Variants in COPZ1 observed in about 807,000 individuals in gnomAD.
COPZ1 encodes the protein coatomer subunit zeta-1.
A neutral mutation model predicts 31.7 loss-of-function variants in COPZ1; 4 were observed. The ratio of observed to expected loss-of-function variants is 0.13; its 90% CI spans 0.06 to 0.29. The LOEUF (loss-of-function observed/expected upper bound fraction) is 0.29. Among genes scored for constraint, COPZ1 ranks in the 10% least tolerant of loss-of-function variants. The pLI, the probability that COPZ1 is intolerant of heterozygous loss-of-function variation, is 1.00. For synonymous variants in COPZ1, 74 were observed against 79.0 expected (o/e 0.94, Z 0.33); for missense variants, 156 against 211.5 (o/e 0.74, Z 1.63).
intron 8 of COPZ1, 34 bp downstream of exon 8, chr12:54,349,692 T>C: frequency 6.4e-7 from 1 of 1,565,766 alleles, no homozygotes; most frequent in Non-Finnish European, 8.8e-7. Context: ...CCAGATGGAC[T>C]GGGTCACTAA....
chr12:54,328,687 G>T (rs1267056301), intron 1 of COPZ1, among the ~76,000 whole-genome samples: 4 of 152,184 alleles, frequency 2.6e-5, no homozygotes, highest in African/African-American at 9.7e-5. Flanking sequence ...TTTAATCTAT[G>T]CCTAATAGGC....
In COPZ1 at chr12:54,342,491, TA is replaced by T. The variant is rs1172281145; in HGVS notation, c.169+205del. On this transcript the variant is annotated intron_variant, in intron 3 of 8. Transcript: ENST00000262061. ...AATACCATGCTGGAAGGTTGGCTGTTAGCTACCTGTCTAGTCCCTGGATTTA... is the reference window on the plus strand; with the variant it reads ...AATACCATGCTGGAAGGTTGGCTGTTGCTACCTGTCTAGTCCCTGGATTTA... 29 of 571,816 alleles carry T rather than the reference TA, an allele frequency of 5.1e-5. 1 individual carries two copies. The highest frequency in any genetic ancestry group is 9.4e-4 in the Middle Eastern group (2 of 2,122). The allele number at this position is 571,816 out of a possible 1,614,324, so 35.4% of individuals were successfully genotyped here.
chr12:54,349,857 T>A, intron 8 of COPZ1, 199 bp downstream of exon 8: 1 of 654,118 alleles, frequency 1.5e-6, no homozygotes, highest in East Asian at 2.6e-5. Flanking sequence ...CTCAGTTACC[T>A]GTGAGCAGTG....
At position 54,340,527 on chromosome 12, in the gene COPZ1, G is replaced by A. The variant is rs1342611734; in HGVS notation, c.19-20G>A. ...GTGATGGGAGGCTTCAGGACTGAAGGTATGTTCGTATCTCTTCAGGAACCT... is the reference window on the plus strand; with the variant it reads ...GTGATGGGAGGCTTCAGGACTGAAGATATGTTCGTATCTCTTCAGGAACCT... On this transcript the variant is annotated intron_variant, in intron 1 of 8. Transcript: ENST00000262061. 9 of 1,613,552 alleles carry A rather than the reference G, an allele frequency of 5.6e-6. No individual in the cohort carries two copies. Among genetic ancestry groups the A allele is most frequent in the East Asian group, 4.5e-5 (2 of 44,870 alleles).
At chr12:54,339,398 A>T (rs1307582212) in intron 1 of COPZ1, among the ~76,000 whole-genome samples, 1 of 152,006 alleles carries the variant, frequency 6.6e-6, no homozygotes, top group Non-Finnish European at 1.5e-5. Flanking sequence ...CCCAGCCTGG[A>T]GTGCAGTGGC....
chr12:54,348,289 A>C (rs1954097175), intron 7 of COPZ1, among the ~76,000 whole-genome samples: 2 of 152,254 alleles, frequency 1.3e-5, no homozygotes, highest in Admixed American at 1.3e-4. Context: ...GTCTTTGCAC[A>C]AAGTGGACAT....
At chr12:54,336,828 C>T (rs2137095813) in intron 1 of COPZ1, among the ~76,000 whole-genome samples, 1 of 151,938 alleles carries the variant, frequency 6.6e-6, no homozygotes, top group South Asian at 2.1e-4. Context: ...TCGAGACCAG[C>T]CTGGCCAATT....
chr12:54,332,734 TAAAAAAAAAAAGGG>T (rs1953778855), intron 1 of COPZ1, among the ~76,000 whole-genome samples: 1 of 140,302 alleles, frequency 7.1e-6, no homozygotes, highest in Admixed American at 7.2e-5. Flanking sequence ...AACTCAGTCT[TAAAAAAAAAAAGGG>T]AAAAAAAAAA....
chr12:54,343,004 A>C (rs917621084), intron 3 of COPZ1, among the ~76,000 whole-genome samples: 4 of 151,692 alleles, frequency 2.6e-5, no homozygotes, highest in Admixed American at 1.3e-4. Flanking sequence ...TTACAGGTGC[A>C]CACCACCACG....
intron 1 of COPZ1, among the ~76,000 whole-genome samples, chr12:54,325,847 G>T (rs924105679): frequency 4.6e-4 from 54 of 117,784 alleles, no homozygotes; most frequent in African/African-American, 1.7e-3. Flanking sequence ...ACCGAGCCTT[G>T]CTCTGTCACC....
chr12:54,346,553 A>G lies in COPZ1; in HGVS notation c.317+1038A>G, dbSNP rs574852368. 6 of 694,828 alleles carry G rather than the reference A, an allele frequency of 8.6e-6. No individual in the cohort carries two copies. In the East Asian group the frequency reaches 1.6e-4, roughly 19 times the overall value. 43.0% of individuals were successfully genotyped at this position (694,828 alleles called of 1,614,324 possible). A position where few individuals can be genotyped will look rare whatever the true frequency, so the allele number is the denominator to read the frequency against. On this transcript the variant is annotated intron_variant, in intron 5 of 8. Coordinates refer to ENST00000262061, the MANE Select transcript of COPZ1 (RefSeq NM_016057.3). ...CTCCCAAAGTGCTGGGATTATAGGCATGAGCCACTTAGACCAGTTTTTTTT... is the reference window on the plus strand; with the variant it reads ...CTCCCAAAGTGCTGGGATTATAGGCGTGAGCCACTTAGACCAGTTTTTTTT...
intron 8 of COPZ1, 40 bp downstream of exon 8, chr12:54,349,698 A>T: frequency 6.6e-7 from 1 of 1,525,060 alleles, no homozygotes; most frequent in Non-Finnish European, 9.1e-7. Context: ...GGACTGGGTC[A>T]CTAAAGAGGC....
At position 54,343,179 on chromosome 12, in the gene COPZ1, C is replaced by G. The variant is rs1261237488; in HGVS notation, c.170-46C>G. On this transcript the variant is annotated intron_variant, in intron 3 of 8. Coordinates refer to ENST00000262061, the MANE Select transcript of COPZ1 (RefSeq NM_016057.3). ...GCTGGTAACTCCTTCTTTCCTACTT[C>G]CTTATCTCAAGCCACCCACTATTTT... 4.1e-6 allele frequency: 6 copies of G among 1,461,856 alleles called. No individual in the cohort carries two copies. In the South Asian group the frequency reaches 6.8e-5, roughly 17 times the overall value. The allele number at this position is 1,461,856 out of a possible 1,614,324, so 90.6% of individuals were successfully genotyped here.
chr12:54,346,064 A>AG (rs1490830280), intron 5 of COPZ1, among the ~76,000 whole-genome samples: 1 of 152,006 alleles, frequency 6.6e-6, no homozygotes, highest in Non-Finnish European at 1.5e-5. Context: ...TTACTAAGTA[A>AG]GGGGACTGGG....
At position 54,334,472 on chromosome 12, in the gene COPZ1, TA is replaced by T. The variant is rs1953818177; in HGVS notation, c.19-6073del. Among the ~76,000 whole-genome samples, 7 of 152,192 alleles carry T rather than the reference TA, an allele frequency of 4.6e-5. No individual in the cohort carries two copies. The South Asian group carries it at 1.5e-3, about 32-fold the overall frequency. On this transcript the variant is annotated intron_variant, in intron 1 of 8. Transcript: ENST00000262061. ...GCTCTTCCCTGTCAAAGACTTTAGC[TA>T]ATTCTTCTTTTCTTTTCATCTGAAG... is the stretch of plus-strand genomic sequence containing the variant.
At chr12:54,340,849 G>A (rs559692302) in intron 2 of COPZ1, among the ~76,000 whole-genome samples, 8 of 152,016 alleles carry the variant, frequency 5.3e-5, no homozygotes, top group African/African-American at 1.7e-4. Flanking sequence ...ACAGGCACGC[G>A]CTACCACCCC....
At chr12:54,345,564 A>C in intron 5 of COPZ1, 49 bp downstream of exon 5, 1 of 1,432,816 alleles carries the variant, frequency 7.0e-7, no homozygotes. Context: ...TGGAAAGAGC[A>C]GGGCATTGTT....
intron 2 of COPZ1, among the ~76,000 whole-genome samples, chr12:54,340,877 C>A (rs919975172): frequency 6.6e-6 from 1 of 151,870 alleles, no homozygotes; most frequent in South Asian, 2.1e-4. Flanking sequence ...TTTTTTGTAT[C>A]TTTAGTAGAG....
At position 54,325,196 on chromosome 12, in the gene COPZ1, G is replaced by T; in HGVS notation, c.18+15G>T. ...CGCTGATTTTGGTAGGAGCTGGAGG[G>T]GCAGCAGAGATGCTGTGGTGTCCAC... On this transcript the variant is annotated intron_variant, in intron 1 of 8. Coordinates refer to ENST00000262061, the MANE Select transcript of COPZ1 (RefSeq NM_016057.3). 6.4e-7 allele frequency: 1 copy of T among 1,558,208 alleles called. No homozygotes were observed. The highest frequency in any genetic ancestry group is 2.4e-5 in the East Asian group (1 of 41,500).
Sources: allele counts gnomAD v4.1 joint callset (sites outside exome capture counted in the v4.1 genomes callset), GRCh38; gene constraint gnomAD v4.1.1; transcripts MANE v1.5; gene names NCBI Gene and HGNC (gene_info 2026-07-23, HGNC 2026-07-21).